Variants in COL5A1 observed in about 807,000 individuals in gnomAD.
COL5A1 encodes collagen type V alpha 1 chain.
A neutral mutation model predicts 263.7 loss-of-function variants in COL5A1; 16 were observed. The ratio of observed to expected loss-of-function variants is 0.06; its 90% CI spans 0.04 to 0.09. The LOEUF is 0.09. Among genes scored for constraint, COL5A1 ranks in the 10% least tolerant of loss-of-function variants. The pLI is 1.00. For missense variants in COL5A1, 2,036 were observed against 2,540.5 expected (o/e 0.80, Z 4.27); for synonymous variants, 1,012 against 1,004.5 (o/e 1.01, Z -0.14).
chr9:134,704,413 T>G (rs1299512241), intron 4 of COL5A1, among the ~76,000 whole-genome samples: 1 of 152,144 alleles, frequency 6.6e-6, no homozygotes, highest in Non-Finnish European at 1.5e-5. Context: ...AGGTAACGTG[T>G]GGTTTTCAAA....
At chr9:134,663,623 C>T (rs1370180415) in intron 1 of COL5A1, among the ~76,000 whole-genome samples, 1 of 152,200 alleles carries the variant, frequency 6.6e-6, no homozygotes, top group East Asian at 1.9e-4. Context: ...ATAAAAATGA[C>T]TGTAAACCCA....
intron 63 of COL5A1, among the ~76,000 whole-genome samples, chr9:134,829,752 C>A (rs1409666833): frequency 6.6e-6 from 1 of 152,302 alleles, no homozygotes; most frequent in Non-Finnish European, 1.5e-5. Flanking sequence ...CTCATCCCCC[C>A]AAGGACCTGG....
chr9:134,697,004 G>A (rs985598079), intron 2 of COL5A1, among the ~76,000 whole-genome samples: 9 of 151,974 alleles, frequency 5.9e-5, no homozygotes, highest in South Asian at 4.2e-4. Flanking sequence ...CCGGGAGGCG[G>A]AGCTTGCAGT....
intron 49 of COL5A1, among the ~76,000 whole-genome samples, 155 bp from the exon 50 acceptor site, chr9:134,814,642 G>A (rs1838669759): frequency 6.6e-6 from 1 of 152,222 alleles, no homozygotes; most frequent in East Asian, 1.9e-4. Flanking sequence ...TCTGCCCAGG[G>A]CTTGGGGAGC....
At position 134,754,873 on chromosome 9, in the gene COL5A1, C is replaced by T. The variant is rs1835915886; in HGVS notation, c.1827+547C>T. Among the ~76,000 whole-genome samples, 1 of 152,100 alleles carries T rather than the reference C, an allele frequency of 6.6e-6. No homozygotes were observed. The highest frequency in any genetic ancestry group is 2.1e-4 in the South Asian group (1 of 4,806). On this transcript the variant is annotated intron_variant, in intron 16 of 65. Coordinates refer to ENST00000371817, the MANE Select transcript of COL5A1 (RefSeq NM_000093.5). The surrounding 1 kb of genome is among the most constrained non-coding windows in gnomAD (Gnocchi z 4.3). ...ACAGGCTGGGGCAGGCCCTGGGAGC[C>T]CAGATTGTGCTCTCAAAAGTGGACC...
intron 2 of COL5A1, among the ~76,000 whole-genome samples, chr9:134,697,888 A>T (rs1447215290): frequency 6.6e-6 from 1 of 152,206 alleles, no homozygotes; most frequent in East Asian, 1.9e-4. Flanking sequence ...GTTCGAGACC[A>T]GCCTGACCAA....
At position 134,794,519 on chromosome 9, in the gene COL5A1, A is replaced by G. The variant is rs528333024; in HGVS notation, c.2701-563A>G. 1.3e-3 allele frequency among the ~76,000 whole-genome samples: 188 copies of G among 144,252 alleles called. 1 individual carries two copies. Among genetic ancestry groups the G allele is most frequent in the South Asian group, 3.7e-3 (18 of 4,820 alleles). 94.6% of individuals were successfully genotyped at this position (144,252 alleles called of 152,430 possible). A position where few individuals can be genotyped will look rare whatever the true frequency, so the allele number is the denominator to read the frequency against. On this transcript the variant is annotated intron_variant, in intron 32 of 65. Coordinates refer to ENST00000371817, the MANE Select transcript of COL5A1 (RefSeq NM_000093.5). The surrounding 1 kb of genome is among the most constrained non-coding windows in gnomAD (Gnocchi z 4.3). Reference sequence around the variant, plus strand: ...TTGGAAAATGCAAAACAACAACAGAAAAAAGAGTATAAATTCTATTAGAGG... The same window carrying G: ...TTGGAAAATGCAAAACAACAACAGAGAAAAGAGTATAAATTCTATTAGAGG...
Position 134,758,189 on chromosome 9 carries a change from G to C in COL5A1, c.1882-54G>C. On this transcript the variant is annotated intron_variant, in intron 17 of 65. Coordinates refer to ENST00000371817, the MANE Select transcript of COL5A1 (RefSeq NM_000093.5). This position sits in a 1 kb window ranked among gnomAD's most constrained non-coding sequence, Gnocchi z 4.1. Reference sequence around the variant, plus strand: ...CATCACTTGGTGGACACCAAGGCGGGGTGTCCACGTGTGCAGGGTGGCGTC... The same window carrying C: ...CATCACTTGGTGGACACCAAGGCGGCGTGTCCACGTGTGCAGGGTGGCGTC... 6.3e-7 allele frequency: 1 copy of C among 1,596,524 alleles called. No individual in the cohort carries two copies. Among genetic ancestry groups the C allele is most frequent in the East Asian group, 2.2e-5 (1 of 44,782 alleles).
chr9:134,761,454 G>T (rs1331649291), intron 18 of COL5A1, among the ~76,000 whole-genome samples: 1 of 152,232 alleles, frequency 6.6e-6, no homozygotes, highest in East Asian at 1.9e-4. Flanking sequence ...CATGGAAACA[G>T]CACAGCCATG....
chr9:134,685,442 T>TC (rs774617624), intron 1 of COL5A1, among the ~76,000 whole-genome samples: 7 of 898 alleles, frequency 7.8e-3, no homozygotes, highest in Admixed American at 0.036. Flanking sequence ...ATCCATCCAT[T>TC]GTCCATCATC....
At position 134,660,358 on chromosome 9, in the gene COL5A1, G is replaced by A. The variant is rs147093522; in HGVS notation, c.109+18062G>A. On this transcript the variant is annotated intron_variant, in intron 1 of 65. Coordinates refer to ENST00000371817, the MANE Select transcript of COL5A1 (RefSeq NM_000093.5). Reference sequence around the variant, plus strand: ...TTCGCTACCTGGGTAACTCACCTACGCCTACTGTATGCCCCAGACAGATTC... The same window carrying A: ...TTCGCTACCTGGGTAACTCACCTACACCTACTGTATGCCCCAGACAGATTC... 4.7e-3 allele frequency among the ~76,000 whole-genome samples: 710 copies of A among 152,274 alleles called. 7 individuals are homozygous for A. The highest frequency in any genetic ancestry group is 0.016 in the African/African-American group (655 of 41,548).
chr9:134,701,124 T>C (rs1833657859), intron 3 of COL5A1, 47 bp from the exon 4 acceptor site: 1 of 1,606,324 alleles, frequency 6.2e-7, no homozygotes, highest in African/African-American at 1.3e-5. Flanking sequence ...TTGCTTGAGC[T>C]GGCATCTGTG....
At position 134,657,313 on chromosome 9, in the gene COL5A1, G is replaced by T. The variant is rs565860949; in HGVS notation, c.109+15017G>T. Among the ~76,000 whole-genome samples the T allele has an allele frequency of 5.8e-5, 6 of 103,966 alleles. No individual in the cohort carries two copies. In the South Asian group the frequency reaches 2.3e-3, roughly 40 times the overall value. The allele number at this position is 103,966 out of a possible 152,430, so 68.2% of individuals were successfully genotyped here. A position where few individuals can be genotyped will look rare whatever the true frequency, so the allele number is the denominator to read the frequency against. On this transcript the variant is annotated intron_variant, in intron 1 of 65. Coordinates refer to ENST00000371817, the MANE Select transcript of COL5A1 (RefSeq NM_000093.5). The stretch of plus-strand genomic sequence containing the variant: ...GGTGCAGTTTATAGATAATATGGGG[G>T]TGGGGTGTAGGTGTAGTTTATAGAT...
At chr9:134,648,903 G>C (rs1033569236) in intron 1 of COL5A1, among the ~76,000 whole-genome samples, 1 of 152,204 alleles carries the variant, frequency 6.6e-6, no homozygotes, top group African/African-American at 2.4e-5. Context: ...AGTTCAGCCC[G>C]CAGAGTGGCC....
chr9:134,812,416 A>C, intron 46 of COL5A1, 33 bp from the exon 47 acceptor site: 2 of 1,611,810 alleles, frequency 1.2e-6, no homozygotes, highest in Non-Finnish European at 1.7e-6. Flanking sequence ...ACATGACAGA[A>C]CAGCGCTTAA....
intron 9 of COL5A1, 52 bp from the exon 10 acceptor site, chr9:134,738,422 G>A: frequency 1.2e-6 from 2 of 1,609,906 alleles, no homozygotes; most frequent in South Asian, 1.1e-5. Flanking sequence ...GGGGTCTGGG[G>A]TGTCGGGAGG....
At chr9:134,707,962 G>A (rs887301321) in intron 4 of COL5A1, among the ~76,000 whole-genome samples, 2 of 152,216 alleles carry the variant, frequency 1.3e-5, no homozygotes, top group African/African-American at 4.8e-5. Context: ...GGATTCTGCT[G>A]AGGACCTTTC....
intron 64 of COL5A1, among the ~76,000 whole-genome samples, chr9:134,833,378 C>T (rs920205643): frequency 2.6e-5 from 4 of 152,210 alleles, no homozygotes; most frequent in African/African-American, 4.8e-5. Context: ...CTGGAGAGGC[C>T]ACCTAAGAAG....
intron 65 of COL5A1, among the ~76,000 whole-genome samples, chr9:134,835,720 C>T (rs758637111): frequency 8.5e-5 from 13 of 152,298 alleles, no homozygotes; most frequent in Non-Finnish European, 1.0e-4. Context: ...GAATGGAGGC[C>T]GGAGCGGCGG....
Sources: allele counts gnomAD v4.1 joint callset (sites outside exome capture counted in the v4.1 genomes callset), GRCh38; gene constraint gnomAD v4.1.1; non-coding constraint Gnocchi (gnomAD v3.1); transcripts MANE v1.5; gene names NCBI Gene and HGNC (gene_info 2026-07-23, HGNC 2026-07-21).